CADPS2: variants seen among roughly 807,000 people sequenced by gnomAD.
CADPS2 encodes calcium-dependent secretion activator 2.
In CADPS2, 93 loss-of-function variants were observed where a neutral mutation model predicts 172.5. The ratio of observed to expected loss-of-function variants is 0.54; its 90% confidence interval spans 0.46 to 0.64. The LOEUF is 0.64. Ranked by LOEUF, CADPS2 falls within the 30% of genes least tolerant of loss-of-function variation. CADPS2 has a pLI of 0.00. For missense variants in CADPS2, 1,420 were observed against 1,565.9 expected, an observed-to-expected ratio of 0.91 and a Z score of 1.57; for synonymous variants, 546 against 555.2, an observed-to-expected ratio of 0.98 and a Z score of 0.23.
chr7:122,367,989 CTCTTT>C (rs978570042), intron 25 of CADPS2: 3 of 152,428 alleles, frequency 2.0e-5, no homozygotes, highest in African/African-American at 7.2e-5. Context: ...TTCTCTCTGA[CTCTTT>C]TCTTTTGCCA....
At position 122,868,136 on chromosome 7, in the gene CADPS2, C is replaced by T. The variant is rs73441734; in HGVS notation, c.339+17863G>A. ...CCCTGGAAGTAGTTTCTGCATGCAT[C>T]GAGTGCTCCAACTTTTACAGCCTTC... On this transcript the variant is annotated intron_variant, in intron 1 of 29. Transcript: ENST00000449022. Among the ~76,000 whole-genome samples, 481 of 152,190 alleles carry T rather than the reference C, an allele frequency of 3.2e-3. 4 individuals are homozygous for T. The highest frequency in any genetic ancestry group is 0.011 in the African/African-American group (445 of 41,548).
intron 27 of CADPS2, among the ~76,000 whole-genome samples, chr7:122,350,550 T>C (rs1419700548): frequency 1.3e-5 from 2 of 152,204 alleles, no homozygotes; most frequent in Non-Finnish European, 2.9e-5. Context: ...AAAAACTAAA[T>C]ACAGTTTGCC....
chr7:122,533,831 C>T (rs1017340780), intron 8 of CADPS2, among the ~76,000 whole-genome samples: 1 of 152,134 alleles, frequency 6.6e-6, no homozygotes, highest in African/African-American at 2.4e-5. Context: ...CTGCAAAATT[C>T]TAATCAGTGT....
At chr7:122,382,272 C>A (rs1000796147) in intron 24 of CADPS2, 5 of 151,920 alleles carry the variant, frequency 3.3e-5, no homozygotes, top group African/African-American at 9.7e-5. Flanking sequence ...AAGGATGAAA[C>A]CAGAAATTGA....
intron 8 of CADPS2, among the ~76,000 whole-genome samples, chr7:122,541,839 T>TTTA (rs1563648938): frequency 7.7e-5 from 5 of 65,144 alleles, no homozygotes; most frequent in African/African-American, 2.6e-4. Context: ...ATTCATATGT[T>TTTA]TATATATTCA....
At chr7:122,615,106 TAAAC>T (rs2074749759) in intron 6 of CADPS2, 71 bp downstream of exon 6, 4 of 898,556 alleles carry the variant, frequency 4.5e-6, no homozygotes, top group Non-Finnish European at 6.9e-6. Context: ...TTTATGCACA[TAAAC>T]AGAGCATGTT....
chr7:122,757,935 G>A (rs1213592416), intron 1 of CADPS2, among the ~76,000 whole-genome samples: 2 of 151,844 alleles, frequency 1.3e-5, no homozygotes, highest in Non-Finnish European at 2.9e-5. Context: ...CATCAACAGA[G>A]GCATGAGATA....
chr7:122,675,294 C>T (rs2082272804), intron 2 of CADPS2, among the ~76,000 whole-genome samples: 1 of 152,138 alleles, frequency 6.6e-6, no homozygotes, highest in South Asian at 2.1e-4. Context: ...ACTATGCTGT[C>T]CAAGAAGACA....
In CADPS2 at chr7:122,431,737, T is replaced by A. The variant is rs943307529; in HGVS notation, c.2476+6604A>T. On this transcript the variant is annotated intron_variant, in intron 17 of 29. Coordinates refer to ENST00000449022, the MANE Select transcript of CADPS2 (RefSeq NM_017954.11). ...AAGAAGTAAATTGAGTTGCCTGTAA[T>A]CCCAGCACTTTGGGAGGCCGAGGTG... Among the ~76,000 whole-genome samples, 7 of 152,112 alleles carry A rather than the reference T, an allele frequency of 4.6e-5. 1 individual carries two copies. The highest frequency in any genetic ancestry group is 2.6e-4 in the Admixed American group (4 of 15,258).
intron 1 of CADPS2, among the ~76,000 whole-genome samples, chr7:122,819,585 C>T (rs1802517411): frequency 6.6e-6 from 1 of 151,658 alleles, no homozygotes; most frequent in Non-Finnish European, 1.5e-5. Context: ...AGCCAGGCTT[C>T]TAAACCTCTT....
At chr7:122,667,999 G>A (rs1407894421) in intron 2 of CADPS2, among the ~76,000 whole-genome samples, 1 of 152,126 alleles carries the variant, frequency 6.6e-6, no homozygotes, top group Non-Finnish European at 1.5e-5. Flanking sequence ...TAGCCAAGGT[G>A]CTAAAATGGT....
chr7:122,433,555 C>T (rs942852523), intron 17 of CADPS2, among the ~76,000 whole-genome samples: 18 of 151,890 alleles, frequency 1.2e-4, no homozygotes, highest in Admixed American at 2.6e-4. Context: ...AGGCATGCAC[C>T]CCCACTCCAA....
At chr7:122,430,813 C>T (rs762615237) in intron 17 of CADPS2, among the ~76,000 whole-genome samples, 2 of 152,140 alleles carry the variant, frequency 1.3e-5, no homozygotes, top group African/African-American at 2.4e-5. Context: ...TTTATTTAAC[C>T]CATTATGAAA....
chr7:122,353,272 G>A (rs916846427), intron 27 of CADPS2, among the ~76,000 whole-genome samples: 1 of 152,154 alleles, frequency 6.6e-6, no homozygotes, highest in Non-Finnish European at 1.5e-5. Flanking sequence ...CAGTACAGAG[G>A]TGGGTAAGAA....
chr7:122,324,387 T>C (rs2150718653), intron 29 of CADPS2, among the ~76,000 whole-genome samples: 1 of 152,290 alleles, frequency 6.6e-6, no homozygotes, highest in East Asian at 1.9e-4. Flanking sequence ...GAAACATCTT[T>C]TAATGATGTA....
chr7:122,555,104 C>G (rs961055627), intron 7 of CADPS2, among the ~76,000 whole-genome samples: 1 of 151,956 alleles, frequency 6.6e-6, no homozygotes, highest in Non-Finnish European at 1.5e-5. Flanking sequence ...TGAAACAGCA[C>G]AAATATGCCT....
intron 2 of CADPS2, among the ~76,000 whole-genome samples, chr7:122,668,497 C>A (rs535757269): frequency 6.6e-6 from 1 of 151,692 alleles, no homozygotes; most frequent in African/African-American, 2.4e-5. Flanking sequence ...ACTGGATCCA[C>A]GGCAGGTTGG....
chr7:122,458,286 C>T (rs2054026704), intron 14 of CADPS2, among the ~76,000 whole-genome samples: 1 of 152,116 alleles, frequency 6.6e-6, no homozygotes, highest in African/African-American at 2.4e-5. Context: ...GAGAGGATGT[C>T]ACAGCACGAG....
intron 2 of CADPS2, among the ~76,000 whole-genome samples, chr7:122,727,066 C>A (rs2091181143): frequency 6.6e-6 from 1 of 151,900 alleles, no homozygotes; most frequent in African/African-American, 2.4e-5. Flanking sequence ...TGGCATTTTT[C>A]CCTCATGAAA....
Sources: allele counts gnomAD v4.1 joint callset (sites outside exome capture counted in the v4.1 genomes callset), GRCh38; gene constraint gnomAD v4.1.1; transcripts MANE v1.5; gene names NCBI Gene and HGNC (gene_info 2026-07-23, HGNC 2026-07-21).